The following RIMS2 variants were observed in gnomAD, a reference collection of about 807,000 sequenced individuals.
RIMS2 encodes regulating synaptic membrane exocytosis 2.
RIMS2 carries 59 observed loss-of-function variants against 174.4 expected under a neutral mutation model. The observed-to-expected ratio is 0.34, with a 90% CI of 0.27 to 0.42. The LOEUF is 0.42. RIMS2 is among the 10% of genes least tolerant of loss of function. The pLI, the probability that RIMS2 is intolerant of heterozygous loss-of-function variation, is 1.00. For synonymous variants in RIMS2, 606 were observed against 572.5 expected (o/e 1.06, Z -0.84); for missense variants, 1,620 against 1,666.3 (o/e 0.97, Z 0.48).
At chr8:103,774,558 G>A (rs1364311635) in intron 3 of RIMS2, among the ~76,000 whole-genome samples, 1 of 152,070 alleles carries the variant, frequency 6.6e-6, no homozygotes, top group East Asian at 1.9e-4. Context: ...CAAAATCATT[G>A]TGATGAATGG....
At chr8:103,644,801 A>G (rs1447733756) in intron 1 of RIMS2, among the ~76,000 whole-genome samples, 5 of 151,770 alleles carry the variant, frequency 3.3e-5, no homozygotes, top group African/African-American at 1.2e-4. Context: ...AGTTTTAATA[A>G]TTTAGATTTT....
intron 19 of RIMS2, among the ~76,000 whole-genome samples, chr8:104,166,814 T>C (rs2098801040): frequency 6.6e-6 from 1 of 152,090 alleles, no homozygotes; most frequent in Admixed American, 6.6e-5. Context: ...AAGTCCATTA[T>C]ATCATTCTTA....
At chr8:104,141,141 A>G (rs752530445) in intron 19 of RIMS2, among the ~76,000 whole-genome samples, 4 of 152,182 alleles carry the variant, frequency 2.6e-5, no homozygotes, top group Non-Finnish European at 4.4e-5. Flanking sequence ...AGATACTGAA[A>G]AATTATCATT....
In RIMS2 at chr8:103,928,718, G is replaced by A. The variant is rs1165317907; in HGVS notation, c.2244+829G>A. Reference sequence around the variant, plus strand: ...TAAAATATTTACCTATGCTGCTTAGGTCCTACTTAGGAAAATTAAAAATAG... The same window carrying A: ...TAAAATATTTACCTATGCTGCTTAGATCCTACTTAGGAAAATTAAAAATAG... On this transcript the variant is annotated intron_variant, in intron 11 of 23. Coordinates refer to ENST00000504942, the Ensembl canonical transcript of RIMS2. Among the ~76,000 whole-genome samples the A allele has an allele frequency of 4.6e-5, 7 of 151,106 alleles. No individual in the cohort carries two copies. The South Asian group carries it at 1.5e-3, about 31-fold the overall frequency.
At chr8:103,827,900 C>T (rs1167456523) in intron 3 of RIMS2, among the ~76,000 whole-genome samples, 1 of 142,996 alleles carries the variant, frequency 7.0e-6, no homozygotes, top group African/African-American at 2.6e-5. Flanking sequence ...CACTCCATCT[C>T]AAAAAAAAAA....
At chr8:103,940,456 T>C (rs1047355378) in intron 13 of RIMS2, among the ~76,000 whole-genome samples, 1 of 152,096 alleles carries the variant, frequency 6.6e-6, no homozygotes, top group Non-Finnish European at 1.5e-5. Flanking sequence ...GGAGTTAAAA[T>C]TCAAGATGAG....
At chr8:104,207,516 T>C (rs2099085949) in intron 19 of RIMS2, among the ~76,000 whole-genome samples, 1 of 151,968 alleles carries the variant, frequency 6.6e-6, no homozygotes, top group Non-Finnish European at 1.5e-5. Flanking sequence ...CCATAAAATA[T>C]ATTTGTGGGC....
intron 1 of RIMS2, among the ~76,000 whole-genome samples, chr8:103,611,297 T>C (rs1293284615): frequency 2.0e-5 from 3 of 152,190 alleles, no homozygotes; most frequent in African/African-American, 7.2e-5. Flanking sequence ...TTGTTATGAT[T>C]ATTATTTTCA....
intron 1 of RIMS2, among the ~76,000 whole-genome samples, chr8:103,504,555 C>A (rs1454300005): frequency 2.0e-5 from 3 of 152,062 alleles, no homozygotes; most frequent in African/African-American, 7.2e-5. Flanking sequence ...CATAGCCTTT[C>A]AGATAAGCTT....
rs143870343 is a variant in RIMS2, at chr8:104,160,701, T to C, written c.3335-84215T>C. 4.9e-4 allele frequency among the ~76,000 whole-genome samples: 75 copies of C among 152,330 alleles called. 2 individuals are homozygous for C. The East Asian group carries it at 0.012, about 25-fold the overall frequency. ...AAGTCAGTAATATTATTCATACATT[T>C]ATTCATTAAATAAACATTTTTATCA... On this transcript the variant is annotated intron_variant, in intron 19 of 23. Transcript: ENST00000504942.
At chr8:103,690,967 A>C (rs1044266022) in intron 1 of RIMS2, among the ~76,000 whole-genome samples, 1 of 152,158 alleles carries the variant, frequency 6.6e-6, no homozygotes, top group African/African-American at 2.4e-5. Flanking sequence ...TTTTTACTGG[A>C]TGTACTATTC....
chr8:103,871,812 G>A (rs1385108926), intron 3 of RIMS2, among the ~76,000 whole-genome samples: 1 of 151,792 alleles, frequency 6.6e-6, no homozygotes, highest in African/African-American at 2.4e-5. Context: ...AGTTCTTTTG[G>A]GAAGTAAAAT....
intron 1 of RIMS2, among the ~76,000 whole-genome samples, chr8:103,689,242 T>C (rs2096981236): frequency 6.6e-6 from 1 of 152,244 alleles, no homozygotes; most frequent in East Asian, 1.9e-4. Flanking sequence ...ATTTTATTTT[T>C]TTAATTTTTA....
chr8:103,827,038 C>T (rs1193461289), intron 3 of RIMS2, among the ~76,000 whole-genome samples: 1 of 152,034 alleles, frequency 6.6e-6, no homozygotes, highest in Non-Finnish European at 1.5e-5. Context: ...GATTAAATCT[C>T]GGATTGCGAT....
At chr8:103,962,444 C>T (rs1282609250) in intron 15 of RIMS2, among the ~76,000 whole-genome samples, 1 of 152,116 alleles carries the variant, frequency 6.6e-6, no homozygotes, top group Non-Finnish European at 1.5e-5. Flanking sequence ...ACATTCTTTC[C>T]TATCTGGACA....
At chr8:104,042,264 C>G (rs1399339273) in intron 19 of RIMS2, among the ~76,000 whole-genome samples, 1 of 151,520 alleles carries the variant, frequency 6.6e-6, no homozygotes, top group Non-Finnish European at 1.5e-5. Context: ...GAGAGCATTT[C>G]AGGCAGAGGA....
intron 19 of RIMS2, among the ~76,000 whole-genome samples, chr8:104,222,994 G>C (rs1036031666): frequency 4.6e-5 from 7 of 152,138 alleles, no homozygotes; most frequent in Non-Finnish European, 1.0e-4. Flanking sequence ...TTTGTGTCAT[G>C]ACTTGAAGAA....
At chr8:104,093,139 A>T (rs1417074462) in intron 19 of RIMS2, among the ~76,000 whole-genome samples, 3 of 152,078 alleles carry the variant, frequency 2.0e-5, no homozygotes, top group Non-Finnish European at 2.9e-5. Flanking sequence ...AAAATAAAAA[A>T]AATTCTACTT....
chr8:104,241,661 C>G (rs1456572386), intron 19 of RIMS2, among the ~76,000 whole-genome samples: 3 of 152,230 alleles, frequency 2.0e-5, no homozygotes, highest in Admixed American at 6.5e-5. Flanking sequence ...GGAATTTTTT[C>G]ACAAGAGCGC....
Sources: gnomAD v4.1 joint callset for allele counts (sites outside exome capture counted in the v4.1 genomes callset) on GRCh38, gnomAD v4.1.1 for gene constraint, MANE v1.5 for transcripts, NCBI Gene and HGNC (gene_info 2026-07-23, HGNC 2026-07-21) for gene names.